GABRA3: variants seen among roughly 807,000 people sequenced by gnomAD.
GABRA3 encodes the protein gamma-aminobutyric acid type A receptor subunit alpha3, also known as gamma-aminobutyric acid receptor subunit alpha-3.
Under a neutral mutation model 30.1 loss-of-function variants are expected in GABRA3, and 10 were observed. That is an observed-to-expected ratio of 0.33 (90% CI 0.20 to 0.56). The LOEUF is 0.56. Ranked by LOEUF, GABRA3 falls within the 20% of genes least tolerant of loss-of-function variation. The pLI is 0.89. For missense variants in GABRA3, 233 were observed against 392.0 expected (o/e 0.59, Z 3.42); for synonymous variants, 151 against 146.8 (o/e 1.03, Z -0.21).
At chrX:152,171,102 T>C (rs1346709058) in intron 9 of GABRA3, among the ~76,000 whole-genome samples, 1 of 111,679 alleles carries the variant, frequency 9.0e-6, no homozygotes, top group Non-Finnish European at 1.9e-5. Context: ...AACTCTTTTT[T>C]CATGGGTAGA....
At chrX:152,389,931 A>T (rs185480504) in intron 1 of GABRA3, among the ~76,000 whole-genome samples, 3 of 111,482 alleles carry the variant, frequency 2.7e-5, no homozygotes, top group East Asian at 2.8e-4. Flanking sequence ...GATAAAAAAA[A>T]ATATAGGAGC....
At chrX:152,197,401 A>G (rs755197045) in intron 8 of GABRA3, among the ~76,000 whole-genome samples, 89 of 111,540 alleles carry the variant, frequency 8.0e-4, no homozygotes, top group Non-Finnish European at 1.5e-3. Flanking sequence ...TGGGGCAAGC[A>G]GGACTGAAAT....
chrX:152,235,242 C>A (rs1404734773), intron 5 of GABRA3, among the ~76,000 whole-genome samples: 3 of 111,493 alleles, frequency 2.7e-5, no homozygotes. Flanking sequence ...AGCTTGCATT[C>A]TTGACTTGTT....
In GABRA3 at chrX:152,403,551, C is replaced by T. The variant is rs756868628; in HGVS notation, c.-26-38955G>A. Among the ~76,000 whole-genome samples, 5 of 73,716 alleles carry T rather than the reference C, an allele frequency of 6.8e-5. No individual in the cohort carries two copies. In the East Asian group the frequency reaches 1.5e-3, roughly 22 times the overall value. 64.0% of individuals were successfully genotyped at this position (73,716 alleles called of 115,157 possible). A position where few individuals can be genotyped will look rare whatever the true frequency, so the allele number is the denominator to read the frequency against. The stretch of plus-strand genomic sequence containing the variant: ...GTGTGTGTGCTTGTGTGTGTGCACA[C>T]GTGTGTGTATGTGCACACGTGTGTG... On this transcript the variant is annotated intron_variant, in intron 1 of 9. Coordinates refer to ENST00000370314, the MANE Select transcript of GABRA3 (RefSeq NM_000808.4).
At chrX:152,344,294 A>G (rs1034200953) in intron 3 of GABRA3, among the ~76,000 whole-genome samples, 1 of 112,028 alleles carries the variant, frequency 8.9e-6, no homozygotes, top group Non-Finnish European at 1.9e-5. Context: ...ATTAGCAAAA[A>G]TTTTAATCAA....
At chrX:152,392,113 C>A in intron 1 of GABRA3, 1 of 322,215 alleles carries the variant, frequency 3.1e-6, no homozygotes, top group Admixed American at 3.1e-5. Context: ...TGTGCACATA[C>A]ACTGATGGTG....
chrX:152,199,141 C>T lies in GABRA3; in HGVS notation c.779-1356G>A, dbSNP rs192201912. On this transcript the variant is annotated intron_variant, in intron 7 of 9. Transcript: ENST00000370314. ...CAGCACTTTGGGAGGCCAAGGCGGG[C>T]AGATTACGAGGTCAGGAGATCGAGA... 5.5e-3 allele frequency among the ~76,000 whole-genome samples: 612 copies of T among 110,798 alleles called. 6 individuals carry two copies. Among genetic ancestry groups the T allele is most frequent in the South Asian group, 0.018 (47 of 2,585 alleles).
At chrX:152,385,776 G>A (rs1267633571) in intron 1 of GABRA3, among the ~76,000 whole-genome samples, 7 of 111,626 alleles carry the variant, frequency 6.3e-5, no homozygotes, top group Non-Finnish European at 1.1e-4. Context: ...CGTATAAGGT[G>A]TAAGGAAGGG....
chrX:152,246,474 T>G (rs1330493645), intron 5 of GABRA3, among the ~76,000 whole-genome samples: 2 of 111,821 alleles, frequency 1.8e-5, no homozygotes, highest in East Asian at 5.6e-4. Flanking sequence ...TCTGGGTCCA[T>G]GTCCCCAAGT....
chrX:152,417,489 T>C (rs995414478), intron 1 of GABRA3, among the ~76,000 whole-genome samples: 5 of 107,102 alleles, frequency 4.7e-5, no homozygotes, highest in African/African-American at 1.4e-4. Flanking sequence ...GATCTAGAAC[T>C]GGAAATACCA....
intron 9 of GABRA3, among the ~76,000 whole-genome samples, chrX:152,172,760 G>C (rs912980288): frequency 3.6e-5 from 4 of 111,706 alleles, no homozygotes; most frequent in Non-Finnish European, 1.9e-5. Flanking sequence ...AATTCATAGA[G>C]ACAGAAAGTA....
At chrX:152,440,983 G>A (rs1277732265) in intron 1 of GABRA3, among the ~76,000 whole-genome samples, 2 of 100,963 alleles carry the variant, frequency 2.0e-5, no homozygotes, top group East Asian at 6.1e-4. Context: ...TGCACGTTCT[G>A]CACATGTACC....
At chrX:152,346,338 T>C (rs1025620178) in intron 2 of GABRA3, among the ~76,000 whole-genome samples, 39 of 111,412 alleles carry the variant, frequency 3.5e-4, no homozygotes, top group Middle Eastern at 4.6e-3. Flanking sequence ...AAAAATCACA[T>C]CAAAATGGAT....
intron 3 of GABRA3, among the ~76,000 whole-genome samples, chrX:152,307,128 C>T (rs368588159): frequency 9.0e-6 from 1 of 111,241 alleles, no homozygotes; most frequent in African/African-American, 3.3e-5. Context: ...TCCTTATTGG[C>T]TAAATTCTCT....
At chrX:152,403,652 GA>G (rs1929853220) in intron 1 of GABRA3, among the ~76,000 whole-genome samples, 1 of 110,050 alleles carries the variant, frequency 9.1e-6, no homozygotes, top group Non-Finnish European at 1.9e-5. Flanking sequence ...TGGAGTTAAA[GA>G]AAACTTGCTG....
chrX:152,171,772 A>G (rs751917256), intron 9 of GABRA3, among the ~76,000 whole-genome samples: 57 of 112,258 alleles, frequency 5.1e-4, no homozygotes, highest in African/African-American at 1.7e-3. Flanking sequence ...CTAACCAAAA[A>G]GTGGAAATTG....
At chrX:152,362,402 C>T (rs1434207994) in intron 2 of GABRA3, among the ~76,000 whole-genome samples, 1 of 111,022 alleles carries the variant, frequency 9.0e-6, no homozygotes, top group Non-Finnish European at 1.9e-5. Context: ...CATTGCTGAA[C>T]ACAGTTTGGT....
chrX:152,324,359 C>T (rs1267138085), intron 3 of GABRA3, among the ~76,000 whole-genome samples: 1 of 111,798 alleles, frequency 8.9e-6, no homozygotes, highest in Non-Finnish European at 1.9e-5. Flanking sequence ...CAGGAGCTAC[C>T]ATGGATTCAC....
At chrX:152,304,457 T>C (rs1164610793) in intron 3 of GABRA3, among the ~76,000 whole-genome samples, 1 of 112,390 alleles carries the variant, frequency 8.9e-6, no homozygotes, top group Non-Finnish European at 1.9e-5. Context: ...CTTTAATCCA[T>C]CTGGAGTTGA....
Sources: gnomAD v4.1 joint callset for allele counts (sites outside exome capture counted in the v4.1 genomes callset) on GRCh38, gnomAD v4.1.1 for gene constraint, MANE v1.5 for transcripts, NCBI Gene and HGNC (gene_info 2026-07-23, HGNC 2026-07-21) for gene names.